ITGA1: variants seen among roughly 807,000 people sequenced by gnomAD.
The protein encoded by ITGA1 is integrin alpha-1.
In ITGA1, 85 loss-of-function variants were observed where a neutral mutation model predicts 145.9. That is an observed-to-expected ratio of 0.58 (90% CI 0.49 to 0.70). The LOEUF (loss-of-function observed/expected upper bound fraction) is 0.70. Among genes scored for constraint, ITGA1 ranks in the 30% least tolerant of loss-of-function variants. The probability of loss-of-function intolerance (pLI) is 0.00; values close to 1 mark genes in which losing one functional copy is unlikely to be tolerated. For missense variants in ITGA1, 1,351 were observed against 1,418.7 expected (o/e 0.95, Z 0.77); for synonymous variants, 520 against 495.3 (o/e 1.05, Z -0.66).
intron 19 of ITGA1, among the ~76,000 whole-genome samples, chr5:52,926,480 T>C (rs1750812404): frequency 6.9e-6 from 1 of 143,892 alleles, no homozygotes; most frequent in Non-Finnish European, 1.5e-5. Flanking sequence ...CACACACCTG[T>C]AGTCCCAGCT....
At chr5:52,907,955 T>A (rs1358264877) in intron 12 of ITGA1, among the ~76,000 whole-genome samples, 2 of 152,218 alleles carry the variant, frequency 1.3e-5, no homozygotes, top group Non-Finnish European at 2.9e-5. Context: ...CTAGAAGCAA[T>A]GTCTAGGACT....
At chr5:52,875,284 CA>C (rs1218766244) in intron 6 of ITGA1, among the ~76,000 whole-genome samples, 275 of 136,046 alleles carry the variant, frequency 2.0e-3, no homozygotes, top group African/African-American at 3.0e-3. Flanking sequence ...CTAGTATTCC[CA>C]AAAAAAAAAA....
At chr5:52,922,993 A>C (rs1457032546) in intron 18 of ITGA1, 106 bp downstream of exon 18, 2 of 642,218 alleles carry the variant, frequency 3.1e-6, no homozygotes, top group African/African-American at 3.8e-5. Context: ...AAGAACGAAC[A>C]ACTAACTGGA....
rs191839869 is a variant in ITGA1, at chr5:52,945,733, A to C, written c.3378+698A>C. Among the ~76,000 whole-genome samples, 285 of 152,332 alleles carry C rather than the reference A, an allele frequency of 1.9e-3. 3 individuals are homozygous for C. The highest frequency in any genetic ancestry group is 6.7e-3 in the African/African-American group (278 of 41,574). On this transcript the variant is annotated intron_variant, in intron 27 of 28. Coordinates refer to ENST00000282588, the MANE Select transcript of ITGA1 (RefSeq NM_181501.2). ...AATATCCCATGTGGATAACAGCACC[A>C]TGTGAATCATAAAATTCAATTTGGA...
At chr5:52,843,418 C>CA (rs1273811365) in intron 1 of ITGA1, among the ~76,000 whole-genome samples, 1 of 152,096 alleles carries the variant, frequency 6.6e-6, no homozygotes, top group Non-Finnish European at 1.5e-5. Context: ...TTCAGAATTG[C>CA]ATTTGTTGTT....
intron 5 of ITGA1, 57 bp downstream of exon 5, chr5:52,865,139 C>A: frequency 8.2e-7 from 1 of 1,216,224 alleles, no homozygotes; most frequent in Non-Finnish European, 1.2e-6. Context: ...ATGAATGAGA[C>A]GTATGTATAC....
intron 1 of ITGA1, chr5:52,801,891 T>A: frequency 7.4e-7 from 1 of 1,355,232 alleles, no homozygotes; most frequent in Non-Finnish European, 1.0e-6. Flanking sequence ...ACTGTTACAG[T>A]ACATTTCTCA....
At position 52,893,740 on chromosome 5, in the gene ITGA1, T is replaced by C. The variant is rs1345375443; in HGVS notation, c.990T>C (p.Ile330=). 6.8e-6 allele frequency: 11 copies of C among 1,613,040 alleles called. No individual in the cohort carries two copies. The highest frequency in any genetic ancestry group is 9.3e-6 in the Non-Finnish European group (11 of 1,179,268). The change falls in exon 9 of 29, where the codon ATT becomes ATC. Residue 330 remains isoleucine (I), a synonymous_variant. Coordinates refer to ENST00000282588, the MANE Select transcript of ITGA1 (RefSeq NM_181501.2). ...AATTTGTGGAGGAAATAAAATCAAT[T>C]GCAAGTGAACCCACTGAAAAGCATT... ...TEKFVEEIKS[I]ASEPTEKHFF... is the part of the protein sequence containing the mutation.
chr5:52,792,178 A>G (rs1748255118), intron 1 of ITGA1, among the ~76,000 whole-genome samples: 1 of 152,228 alleles, frequency 6.6e-6, no homozygotes, highest in Non-Finnish European at 1.5e-5. Context: ...TCTCTTCCCT[A>G]GAAACATTTT....
chr5:52,872,407 C>T (rs1423818276), intron 6 of ITGA1, among the ~76,000 whole-genome samples: 1 of 151,872 alleles, frequency 6.6e-6, no homozygotes, highest in African/African-American at 2.4e-5. Flanking sequence ...ATAATCATTC[C>T]GAAGTGAGTT....
chr5:52,844,463 T>C (rs1171579916), intron 1 of ITGA1, among the ~76,000 whole-genome samples: 1 of 152,206 alleles, frequency 6.6e-6, no homozygotes, highest in Non-Finnish European at 1.5e-5. Flanking sequence ...ATTGAATTAA[T>C]ATGAATAGTG....
At chr5:52,912,770 G>GGAGTCTC (rs1317532177) in intron 14 of ITGA1, among the ~76,000 whole-genome samples, 2 of 141,936 alleles carry the variant, frequency 1.4e-5, no homozygotes, top group East Asian at 4.1e-4. Flanking sequence ...TTTTTGAGAC[G>GGAGTCTC]GAGTCTCGCT....
intron 12 of ITGA1, among the ~76,000 whole-genome samples, chr5:52,907,243 C>A (rs1301158660): frequency 6.6e-6 from 1 of 152,092 alleles, no homozygotes; most frequent in African/African-American, 2.4e-5. Flanking sequence ...CACATTTACG[C>A]TTGGAAAACG....
At chr5:52,914,604 A>G (rs534107348) in intron 14 of ITGA1, among the ~76,000 whole-genome samples, 31 of 151,856 alleles carry the variant, frequency 2.0e-4, no homozygotes, top group South Asian at 4.2e-4. Context: ...TCTCAAAAAA[A>G]AAAAGGGGGG....
At chr5:52,906,034 T>G in intron 12 of ITGA1, 126 bp downstream of exon 12, 35 of 700,474 alleles carry the variant, frequency 5.0e-5, no homozygotes, top group Non-Finnish European at 7.0e-5. Flanking sequence ...AACAGGGCCC[T>G]GTGTTAGGTT....
chr5:52,910,240 A>T lies in ITGA1; in HGVS notation c.1678A>T (p.Thr560Ser). ...ATCTCGGCAGCACAATTCATGCACA[A>T]CAGAAAACAAAAATGAGCCATGCGG... The part of the protein sequence containing the change: ...CSSRQHNSCT[T>S]ENKNEPCGAR... Residue 560 changes from threonine (T) to serine (S), a missense_variant, in exon 14 of 29, where the codon ACA becomes TCA. Coordinates refer to ENST00000282588, the MANE Select transcript of ITGA1 (RefSeq NM_181501.2). The T allele has an allele frequency of 6.2e-7, 1 of 1,614,022 alleles. No individual in the cohort carries two copies. The highest frequency in any genetic ancestry group is 1.1e-5 in the South Asian group (1 of 91,082).
In ITGA1 at chr5:52,788,287, G is replaced by T. The variant is rs1748163900; in HGVS notation, c.-67G>T. 2 of 1,270,382 alleles carry T rather than the reference G, an allele frequency of 1.6e-6. No homozygotes were observed. The highest frequency in any genetic ancestry group is 3.2e-5 in the African/African-American group (2 of 63,324). The allele number at this position is 1,270,382 out of a possible 1,614,324, so 78.7% of individuals were successfully genotyped here. A position where few individuals can be genotyped will look rare whatever the true frequency, so the allele number is the denominator to read the frequency against. ...GGGATAAGTGGCCCAGCCAGAGAGC[G>T]CAGCTCCCGCGCCCGGTCCTGCCCT... On this transcript the variant is annotated 5_prime_UTR_variant, in exon 1 of 29. Coordinates refer to ENST00000282588, the MANE Select transcript of ITGA1 (RefSeq NM_181501.2).
At chr5:52,927,166 G>C (rs1024174306) in intron 19 of ITGA1, among the ~76,000 whole-genome samples, 3 of 152,158 alleles carry the variant, frequency 2.0e-5, no homozygotes, top group African/African-American at 7.2e-5. Flanking sequence ...GGTGCAGTCA[G>C]GGTTTAAATT....
chr5:52,898,250 G>A lies in ITGA1; in HGVS notation c.1176G>A (p.Met392Ile), dbSNP rs1258826881. 3 of 1,585,186 alleles carry A rather than the reference G, an allele frequency of 1.9e-6. No homozygotes were observed. Among genetic ancestry groups the A allele is most frequent in the South Asian group, 1.2e-5 (1 of 85,026 alleles). ...FSAHYSQDWV[M>I]LGAVGAYDWN... is the part of the protein sequence containing the mutation. ...TATTTGCATGTAAGGACTGGGTCATGCTTGGAGCAGTAGGAGCCTATGATT... is the reference window on the plus strand; with the variant it reads ...TATTTGCATGTAAGGACTGGGTCATACTTGGAGCAGTAGGAGCCTATGATT... The change falls in exon 11 of 29, where the codon ATG becomes ATA. Residue 392 changes from methionine to isoleucine, a missense_variant. Met to Ile is a conservative substitution (Grantham distance 10). Coordinates refer to ENST00000282588, the MANE Select transcript of ITGA1 (RefSeq NM_181501.2).
Sources: allele counts gnomAD v4.1 joint callset (sites outside exome capture counted in the v4.1 genomes callset), GRCh38; gene constraint gnomAD v4.1.1; transcripts MANE v1.5; gene names NCBI Gene and HGNC (gene_info 2026-07-23, HGNC 2026-07-21).